Variants in PLCH2 observed in about 807,000 individuals in gnomAD.
The protein encoded by PLCH2 is 1-phosphatidylinositol 4,5-bisphosphate phosphodiesterase eta-2.
In PLCH2, 98 loss-of-function variants were observed where a neutral mutation model predicts 134.7. That is an observed-to-expected ratio of 0.73 (90% CI 0.62 to 0.86). The LOEUF (loss-of-function observed/expected upper bound fraction) is 0.86. Ranked by LOEUF, PLCH2 falls within the 40% of genes least tolerant of loss-of-function variation. The pLI, the probability that PLCH2 is intolerant of heterozygous loss-of-function variation, is 0.00. For synonymous variants in PLCH2, 974 were observed against 827.5 expected, an observed-to-expected ratio of 1.18 and a Z score of -3.04; for missense variants, 1,994 against 1,986.6, an observed-to-expected ratio of 1.00 and a Z score of -0.07.
intron 11 of PLCH2, among the ~76,000 whole-genome samples, chr1:2,491,860 T>C (rs949606708): frequency 6.6e-6 from 1 of 151,468 alleles, no homozygotes; most frequent in African/African-American, 2.4e-5. Flanking sequence ...GTGACAGTGC[T>C]GGTGGGCGCC....
chr1:2,471,697 G>T (rs545177364), upstream of PLCH2, among the ~76,000 whole-genome samples: 207 of 152,274 alleles, frequency 1.4e-3, 1 homozygote, highest in African/African-American at 4.7e-3. Context: ...CAGGTGGCGC[G>T]GCCGATGGAG....
intron 11 of PLCH2, among the ~76,000 whole-genome samples, chr1:2,491,608 C>T (rs1642586313): frequency 6.6e-6 from 1 of 152,258 alleles, no homozygotes; most frequent in Non-Finnish European, 1.5e-5. Flanking sequence ...CTGCCTAGAG[C>T]TGCCTGTGGC....
intron 2 of PLCH2, among the ~76,000 whole-genome samples, chr1:2,441,094 C>A (rs565072717): frequency 6.6e-6 from 1 of 152,236 alleles, no homozygotes; most frequent in African/African-American, 2.4e-5. Flanking sequence ...GGGGTGGGTT[C>A]CCATCCTGAC....
At position 2,498,958 on chromosome 1, in the gene PLCH2, G is replaced by A; in HGVS notation, c.2435-126G>A. On this transcript the variant is annotated intron_variant, in intron 18 of 21. Transcript: ENST00000378486. This position sits in a 1 kb window ranked among gnomAD's most constrained non-coding sequence, Gnocchi z 5.4. The stretch of plus-strand genomic sequence containing the variant: ...ACAGTCCTGGGCGCCCTCCCCTCTA[G>A]GTGGGCAGTCCCGGAAGCAGCACCG... The A allele has an allele frequency of 7.1e-7, 1 of 1,400,998 alleles. No individual in the cohort carries two copies. The allele number at this position is 1,400,998 out of a possible 1,614,324, so 86.8% of individuals were successfully genotyped here. A position where few individuals can be genotyped will look rare whatever the true frequency, so the allele number is the denominator to read the frequency against.
intron 2 of PLCH2, among the ~76,000 whole-genome samples, chr1:2,431,202 C>T (rs1639054497): frequency 6.6e-6 from 1 of 152,038 alleles, no homozygotes; most frequent in South Asian, 2.1e-4. Context: ...CTGGGGGCCC[C>T]TGCTGCTCTC....
chr1:2,505,396 G>A lies in PLCH2; in HGVS notation c.*183G>A, dbSNP rs372942732. The A allele has an allele frequency of 4.0e-5, 23 of 578,814 alleles. No individual in the cohort carries two copies. Among genetic ancestry groups the A allele is most frequent in the East Asian group, 3.7e-4 (12 of 32,848 alleles). The allele number at this position is 578,814 out of a possible 1,614,324, so 35.9% of individuals were successfully genotyped here. On this transcript the variant is annotated 3_prime_UTR_variant, in exon 22 of 22. Transcript: ENST00000378486. ...GAGGAAAGGCTAAAGCTGCTGGCCC[G>A]GGGCCCACAGGAGGGGCTTCGAGGC...
intron 2 of PLCH2, chr1:2,479,363 T>C (rs1641822002): frequency 1.1e-5 from 2 of 187,518 alleles, no homozygotes; most frequent in South Asian, 1.3e-4. Flanking sequence ...TGTCCCCACC[T>C]GCGGCGCTGG....
At chr1:2,420,970 T>TTTTTA in the PLCH2 span, among the ~76,000 whole-genome samples, 1 of 151,170 alleles carries the variant, frequency 6.6e-6, no homozygotes. Flanking sequence ...TTTTTTTTTT[T>TTTTTA]GAGACAGAGT....
intron 1 of PLCH2, among the ~76,000 whole-genome samples, chr1:2,427,957 C>T (rs1196421515): frequency 6.6e-6 from 1 of 152,130 alleles, no homozygotes; most frequent in Non-Finnish European, 1.5e-5. Flanking sequence ...GACACTTCAT[C>T]CTCCGGGGGC....
upstream of PLCH2, among the ~76,000 whole-genome samples, chr1:2,423,620 G>A (rs1284572746): frequency 6.6e-6 from 1 of 152,140 alleles, no homozygotes; most frequent in Non-Finnish European, 1.5e-5. Flanking sequence ...ACTTGTTGGG[G>A]TAAGGGGGAT....
At chr1:2,457,401 C>T (rs993696313) in intron 2 of PLCH2, among the ~76,000 whole-genome samples, 3 of 152,144 alleles carry the variant, frequency 2.0e-5, no homozygotes, top group Non-Finnish European at 4.4e-5. Context: ...TGGCCGTGAT[C>T]ACAAGGGGCT....
intron 11 of PLCH2, among the ~76,000 whole-genome samples, chr1:2,492,920 G>A (rs1642673272): frequency 6.6e-6 from 1 of 152,122 alleles, no homozygotes; most frequent in Non-Finnish European, 1.5e-5. Context: ...GGTAAGGAGG[G>A]GCCCCACCCC....
chr1:2,452,331 TG>T (rs1640282637), intron 2 of PLCH2, among the ~76,000 whole-genome samples: 1 of 152,136 alleles, frequency 6.6e-6, no homozygotes, highest in African/African-American at 2.4e-5. Context: ...AGCAGCCCCG[TG>T]GAAGTATTTC....
intron 2 of PLCH2, among the ~76,000 whole-genome samples, chr1:2,438,769 G>A (rs1013092643): frequency 4.6e-5 from 7 of 152,278 alleles, no homozygotes; most frequent in South Asian, 2.1e-4. Flanking sequence ...CCCCCGTCCC[G>A]CTGCCTGCCC....
chr1:2,449,838 C>T (rs951238634), intron 2 of PLCH2, among the ~76,000 whole-genome samples: 5 of 152,232 alleles, frequency 3.3e-5, no homozygotes, highest in African/African-American at 1.2e-4. Context: ...CAGCCTCGCC[C>T]CGTCCTGCCC....
At chr1:2,455,528 C>G (rs1004085241) in intron 2 of PLCH2, among the ~76,000 whole-genome samples, 7 of 152,196 alleles carry the variant, frequency 4.6e-5, no homozygotes, top group Non-Finnish European at 8.8e-5. Flanking sequence ...TGGCAGCCCG[C>G]CTTCCTGCAG....
chr1:2,497,512 C>T lies in PLCH2; in HGVS notation c.2127C>T (p.Asn709=). 6.4e-7 allele frequency: 1 copy of T among 1,555,092 alleles called. No homozygotes were observed. Among genetic ancestry groups the T allele is most frequent in the African/African-American group, 1.4e-5 (1 of 73,332 alleles). Residue 709 remains asparagine (N), a synonymous_variant, in exon 16 of 22, where the codon AAC becomes AAT. Transcript: ENST00000378486. Reference sequence around the variant, plus strand: ...GTGTCACCCTCGCAGTTGCCCTGAACTACCAGTCAGAGGGGCGGATGCTGC... The same window carrying T: ...GTGTCACCCTCGCAGTTGCCCTGAATTACCAGTCAGAGGGGCGGATGCTGC... ...WNAGCQMVAL[N]YQSEGRMLQL...
chr1:2,435,274 TG>T (rs1283648091), intron 2 of PLCH2, among the ~76,000 whole-genome samples: 1 of 151,744 alleles, frequency 6.6e-6, no homozygotes, highest in African/African-American at 2.4e-5. Context: ...GCAGGGGCTG[TG>T]GGGGGTGGGG....
chr1:2,499,281 C>A, intron 19 of PLCH2, 51 bp downstream of exon 19: 2 of 1,597,750 alleles, frequency 1.3e-6, no homozygotes, highest in African/African-American at 1.3e-5. Context: ...GGCCCCAGGG[C>A]AGGGCAGGTA....
Sources: allele counts gnomAD v4.1 joint callset (sites outside exome capture counted in the v4.1 genomes callset), GRCh38; gene constraint gnomAD v4.1.1; non-coding constraint Gnocchi (gnomAD v3.1); transcripts MANE v1.5; gene names NCBI Gene and HGNC (gene_info 2026-07-23, HGNC 2026-07-21).